IFT172: variants seen among roughly 807,000 people sequenced by gnomAD.
IFT172 encodes the protein intraflagellar transport 172, also known as intraflagellar transport protein 172 homolog.
In IFT172, 164 loss-of-function variants were observed where a neutral mutation model predicts 248.9. The ratio of observed to expected loss-of-function variants is 0.66; its 90% CI spans 0.58 to 0.75. The LOEUF (loss-of-function observed/expected upper bound fraction) is 0.75. Ranked by LOEUF, IFT172 falls within the 30% of genes least tolerant of loss-of-function variation. IFT172 has a pLI of 0.00. For missense variants in IFT172, 1,950 were observed against 2,192.4 expected, an observed-to-expected ratio of 0.89 and a Z score of 2.21; for synonymous variants, 729 against 791.6, an observed-to-expected ratio of 0.92 and a Z score of 1.33.
chr2:27,450,030 G>A lies in IFT172; in HGVS notation c.4018C>T (p.Pro1340Ser). Residue 1340 changes from proline to serine, a missense_variant, in exon 36 of 48, where the codon CCC becomes TCC. Coordinates refer to ENST00000260570, the MANE Select transcript of IFT172 (RefSeq NM_015662.3). ...TGCTTTCCAATTCCAATCAGCTGGG[G>A]TCCTACAGCCAGAACGACTTCCATA... is the stretch of plus-strand genomic sequence containing the variant. ...RNMEVVLAVG[P>S]QLIGIGKHSA... 1 of 1,614,070 alleles carries A rather than the reference G, an allele frequency of 6.2e-7. No homozygotes were observed. Among genetic ancestry groups the A allele is most frequent in the Non-Finnish European group, 8.5e-7 (1 of 1,179,940 alleles).
chr2:27,472,246 TCA>T lies in IFT172; in HGVS notation c.1524+2_1524+3del, dbSNP rs769575051. ...ATGCCTAAGGCCTTAGTAGCTCTTC[TCA>T]CACGAAGTTTCCGGTCCCTGAAGAG... is the stretch of plus-strand genomic sequence containing the variant. On this transcript the variant is annotated splice_donor_variant and splice_donor_region_variant and intron_variant, in intron 15 of 47. Transcript: ENST00000260570. LOFTEE classifies it high-confidence loss of function. The T allele has an allele frequency of 1.9e-5, 30 of 1,610,404 alleles. No individual in the cohort carries two copies. Among genetic ancestry groups the T allele is most frequent in the Non-Finnish European group, 2.5e-5 (29 of 1,176,754 alleles).
At chr2:27,481,469 ACCCC>A (rs1668366449) in intron 7 of IFT172, among the ~76,000 whole-genome samples, 1 of 148,582 alleles carries the variant, frequency 6.7e-6, no homozygotes, top group Admixed American at 6.7e-5. Flanking sequence ...ACACACACAC[ACCCC>A]TATACACATA....
Position 27,449,276 on chromosome 2 carries a change from A to G in IFT172, c.4311+18T>C. 1 of 1,613,848 alleles carries G rather than the reference A, an allele frequency of 6.2e-7. No homozygotes were observed. Among genetic ancestry groups the G allele is most frequent in the Non-Finnish European group, 8.5e-7 (1 of 1,179,816 alleles). ...GGGAAAATGTAAAGAAAAACTGGGAATGGGAAGAGAGCAGTACCTGCTTGG... is the reference window on the plus strand; with the variant it reads ...GGGAAAATGTAAAGAAAAACTGGGAGTGGGAAGAGAGCAGTACCTGCTTGG... On this transcript the variant is annotated intron_variant, in intron 39 of 47. Coordinates refer to ENST00000260570, the MANE Select transcript of IFT172 (RefSeq NM_015662.3).
chr2:27,454,071 G>A lies in IFT172; in HGVS notation c.3622C>T (p.Arg1208Trp), dbSNP rs779395435. The A allele has an allele frequency of 6.8e-6, 11 of 1,614,082 alleles. No homozygotes were observed. The East Asian group carries it at 2.2e-4, about 33-fold the overall frequency. ...AAGTCCTTCTCCTCCAAGGCCCCCC[G>A]GGCCTGTCCCACAAGCACCTCGGCG... ...SVAEVLVGQARGALEEKDFQK... is the reference protein window; with the variant it reads ...SVAEVLVGQAWGALEEKDFQK... The change falls in exon 33 of 48, where the codon CGG (arginine) becomes TGG (tryptophan). Residue 1208 changes from arginine (R) to tryptophan (W), a missense_variant. Arg to Trp is a moderately radical substitution (Grantham distance 101). Transcript: ENST00000260570. The surrounding 1 kb of genome is among the most constrained non-coding windows in gnomAD (Gnocchi z 4.2).
chr2:27,471,105 GA>G lies in IFT172; in HGVS notation c.1525-11del. On this transcript the variant is annotated splice_polypyrimidine_tract_variant and intron_variant, in intron 15 of 47. Transcript: ENST00000260570. ...TATCATACAGATGCAACTGAAGAAA[GA>G]AAAGGCAGGTAACACAATTACAAGG... is the stretch of plus-strand genomic sequence containing the variant. 6.2e-7 allele frequency: 1 copy of G among 1,604,168 alleles called. No individual in the cohort carries two copies. Among genetic ancestry groups the G allele is most frequent in the Admixed American group, 1.8e-5 (1 of 56,262 alleles).
intron 18 of IFT172, among the ~76,000 whole-genome samples, chr2:27,464,925 ATT>A (rs576114900): frequency 7.0e-6 from 1 of 142,212 alleles, no homozygotes. Flanking sequence ...GCCAAGACAT[ATT>A]TTTTTTTTTT....
In IFT172 at chr2:27,444,935, C is replaced by T. The variant is rs950089572; in HGVS notation, c.5160+79G>A. ...AAGTGCTGGGATTAAAGGTATGAGC[C>T]ACTGCACCCAGACTTGTTTTTTTTT... On this transcript the variant is annotated intron_variant, in intron 47 of 47. Transcript: ENST00000260570. 5 of 1,477,014 alleles carry T rather than the reference C, an allele frequency of 3.4e-6. No individual in the cohort carries two copies. The South Asian group carries it at 5.0e-5, about 15-fold the overall frequency. The allele number at this position is 1,477,014 out of a possible 1,614,324, so 91.5% of individuals were successfully genotyped here.
intron 20 of IFT172, among the ~76,000 whole-genome samples, chr2:27,462,180 G>A (rs528133608): frequency 6.6e-6 from 1 of 152,194 alleles, no homozygotes; most frequent in African/African-American, 2.4e-5. Flanking sequence ...TTACAGGCGT[G>A]TGCCACCACT....
intron 20 of IFT172, among the ~76,000 whole-genome samples, chr2:27,462,299 C>T (rs938997087): frequency 2.0e-5 from 3 of 152,158 alleles, no homozygotes; most frequent in African/African-American, 7.2e-5. Flanking sequence ...TCCCAGCGTG[C>T]TGGGATTACT....
At chr2:27,453,292 CAA>C (rs1665855255) in intron 35 of IFT172, 90 bp downstream of exon 35, 2 of 1,493,132 alleles carry the variant, frequency 1.3e-6, no homozygotes, top group African/African-American at 1.4e-5. Flanking sequence ...GAAAAAGACA[CAA>C]GAGGAAAGAG....
chr2:27,482,330 G>A (rs1192563859), intron 7 of IFT172, among the ~76,000 whole-genome samples: 1 of 149,252 alleles, frequency 6.7e-6, no homozygotes, highest in Non-Finnish European at 1.5e-5. Context: ...CACTCTTGTT[G>A]CCCAGTCTGG....
At chr2:27,487,974 C>T (rs1668884275) in intron 1 of IFT172, among the ~76,000 whole-genome samples, 1 of 150,738 alleles carries the variant, frequency 6.6e-6, no homozygotes, top group South Asian at 2.1e-4. Flanking sequence ...ATTACACACT[C>T]AGTTATGGAA....
chr2:27,474,984 C>A (rs1245704940), intron 14 of IFT172, among the ~76,000 whole-genome samples: 2 of 152,076 alleles, frequency 1.3e-5, no homozygotes, highest in Non-Finnish European at 2.9e-5. Flanking sequence ...ATGCAAATAA[C>A]CACCAAAGTC....
intron 39 of IFT172, 111 bp from the exon 40 acceptor site, chr2:27,449,142 T>G: frequency 8.7e-7 from 1 of 1,148,296 alleles, no homozygotes; most frequent in Non-Finnish European, 1.3e-6. Flanking sequence ...TACGCAAACC[T>G]CTGACCCCAG....
At chr2:27,450,912 T>C (rs895996555) in intron 35 of IFT172, among the ~76,000 whole-genome samples, 5 of 151,866 alleles carry the variant, frequency 3.3e-5, no homozygotes, top group South Asian at 2.1e-4. Context: ...ATTTTAGATA[T>C]ACTGTGTTAA....
rs765068834 is a variant in IFT172 at position 27,461,320 on chromosome 2, C to G, written c.2391G>C (p.Glu797Asp). The G allele has an allele frequency of 1.9e-6, 3 of 1,614,162 alleles. No individual in the cohort carries two copies. Among genetic ancestry groups the G allele is most frequent in the South Asian group, 2.2e-5 (2 of 91,074 alleles). ...LTREELLANT[E>D]LVEHITAALI... ...GGGCTGCAGTGATGTGTTCTACCAGCTCTGTGTTGGCTAGCAGTTCCTCTC... is the reference window on the plus strand; with the variant it reads ...GGGCTGCAGTGATGTGTTCTACCAGGTCTGTGTTGGCTAGCAGTTCCTCTC... Residue 797 changes from glutamate to aspartate, a missense_variant, in exon 22 of 48, where the codon GAG (glutamate) becomes GAC (aspartate). By Grantham distance (45) the Glu-to-Asp change is conservative. Coordinates refer to ENST00000260570, the MANE Select transcript of IFT172 (RefSeq NM_015662.3).
At chr2:27,462,911 T>C in intron 19 of IFT172, 118 bp from the exon 20 acceptor site, 1 of 1,178,232 alleles carries the variant, frequency 8.5e-7, no homozygotes, top group Non-Finnish European at 1.2e-6. Context: ...GGTAAAACAC[T>C]TCATGGAGCT....
chr2:27,453,703 T>C lies in IFT172; in HGVS notation c.3748A>G (p.Lys1250Glu). The C allele has an allele frequency of 6.2e-7, 1 of 1,612,398 alleles. No individual in the cohort carries two copies. Among genetic ancestry groups the C allele is most frequent in the Non-Finnish European group, 8.5e-7 (1 of 1,179,596 alleles). Residue 1250 changes from lysine to glutamate, a missense_variant, in exon 34 of 48, where the codon AAG (lysine) becomes GAG (glutamate). Transcript: ENST00000260570. Reference sequence around the variant, plus strand: ...TCCAGCTGGCTGGGCACATAGTCCTTGCAGATGCGCAGAGCGTCACTCCAT... The same window carrying C: ...TCCAGCTGGCTGGGCACATAGTCCTCGCAGATGCGCAGAGCGTCACTCCAT... The part of the protein sequence containing the change: ...GLWSDALRIC[K>E]DYVPSQLEAL...
chr2:27,470,279 A>C (rs1558395686), intron 16 of IFT172, among the ~76,000 whole-genome samples: 1 of 144,884 alleles, frequency 6.9e-6, no homozygotes, highest in East Asian at 2.0e-4. Context: ...AGAAAAAAAA[A>C]AGAGAGGAAG....
Sources: allele counts gnomAD v4.1 joint callset (sites outside exome capture counted in the v4.1 genomes callset), GRCh38; gene constraint gnomAD v4.1.1; non-coding constraint Gnocchi (gnomAD v3.1); transcripts MANE v1.5; gene names NCBI Gene and HGNC (gene_info 2026-07-23, HGNC 2026-07-21).